Variants in PDZD2 observed in about 807,000 individuals in gnomAD.
PDZD2 encodes the protein PDZ domain-containing protein 2.
A neutral mutation model predicts 220.7 loss-of-function variants in PDZD2; 90 were observed. The observed-to-expected ratio is 0.41, with a 90% CI of 0.34 to 0.49. The LOEUF (loss-of-function observed/expected upper bound fraction) is 0.49. Among genes scored for constraint, PDZD2 ranks in the 20% least tolerant of loss-of-function variants. The pLI, the probability that PDZD2 is intolerant of heterozygous loss-of-function variation, is 0.28. For missense variants in PDZD2, 3,174 were observed against 3,608.5 expected (o/e 0.88, Z 3.08); for synonymous variants, 1,375 against 1,450.5 (o/e 0.95, Z 1.18).
intron 6 of PDZD2, among the ~76,000 whole-genome samples, chr5:32,026,865 C>A (rs6877673): frequency 0.95 from 145,163 of 152,318 alleles, 69,437 homozygotes; most frequent in African/African-American, 0.98. Context: ...CCTCCTTGAC[C>A]TCCACATCCC....
intron 2 of PDZD2, among the ~76,000 whole-genome samples, chr5:31,952,242 C>T (rs1452471939): frequency 6.6e-6 from 1 of 152,202 alleles, no homozygotes; most frequent in Non-Finnish European, 1.5e-5. Flanking sequence ...ATAAACACTG[C>T]ATTCTGAAAT....
At chr5:32,068,345 A>C (rs1444256413) in intron 14 of PDZD2, among the ~76,000 whole-genome samples, 1 of 152,238 alleles carries the variant, frequency 6.6e-6, no homozygotes, top group Non-Finnish European at 1.5e-5. Flanking sequence ...TTCGTAATAA[A>C]ACATCACTAT....
intron 1 of PDZD2, among the ~76,000 whole-genome samples, chr5:31,753,835 C>T (rs746045839): frequency 1.3e-5 from 2 of 152,174 alleles, no homozygotes; most frequent in Non-Finnish European, 2.9e-5. Flanking sequence ...GGCCTTCTCC[C>T]GCTGAGGAAG....
intron 2 of PDZD2, chr5:31,840,727 T>C (rs1203180299): frequency 3.8e-6 from 3 of 782,734 alleles, no homozygotes; most frequent in Non-Finnish European, 6.9e-6. Flanking sequence ...GCAAGAATCT[T>C]GCCCTTAACT....
intron 1 of PDZD2, among the ~76,000 whole-genome samples, chr5:31,705,405 A>G (rs925988922): frequency 3.3e-5 from 5 of 152,232 alleles, no homozygotes; most frequent in African/African-American, 1.2e-4. Flanking sequence ...TTCTGGTGCC[A>G]TTAAAGACTC....
At chr5:31,641,175 T>C (rs931836633) in intron 1 of PDZD2, among the ~76,000 whole-genome samples, 2 of 152,212 alleles carry the variant, frequency 1.3e-5, no homozygotes, top group Admixed American at 6.5e-5. Flanking sequence ...GCTCCCTCGC[T>C]GCTGTCAGTT....
At chr5:32,046,418 A>G (rs1166729005) in intron 7 of PDZD2, among the ~76,000 whole-genome samples, 1 of 151,928 alleles carries the variant, frequency 6.6e-6, no homozygotes, top group Non-Finnish European at 1.5e-5. Flanking sequence ...AATTTTTTGT[A>G]TTTTAATAGA....
intron 2 of PDZD2, among the ~76,000 whole-genome samples, chr5:31,835,066 T>TCC (rs1580853224): frequency 6.6e-6 from 1 of 152,102 alleles, no homozygotes; most frequent in East Asian, 1.9e-4. Context: ...TTTCAAAACT[T>TCC]TGATAGCCTC....
chr5:32,029,467 C>T (rs941954732), intron 6 of PDZD2, among the ~76,000 whole-genome samples: 2 of 151,556 alleles, frequency 1.3e-5, no homozygotes, highest in East Asian at 3.9e-4. Context: ...TTCCCTAATC[C>T]CAGTTTTTAG....
intron 2 of PDZD2, among the ~76,000 whole-genome samples, chr5:31,955,830 G>C (rs1747626821): frequency 6.6e-6 from 1 of 151,532 alleles, no homozygotes; most frequent in Non-Finnish European, 1.5e-5. Context: ...GGGTATGTTG[G>C]GTTTCCATTT....
chr5:31,990,870 TGGGCAGG>T (rs1486333883), intron 3 of PDZD2, among the ~76,000 whole-genome samples: 1 of 152,168 alleles, frequency 6.6e-6, no homozygotes, highest in Admixed American at 6.5e-5. Flanking sequence ...GGCAGTGTCA[TGGGCAGG>T]GGGCTGGTTG....
intron 2 of PDZD2, among the ~76,000 whole-genome samples, chr5:31,875,406 A>G (rs1194702725): frequency 6.6e-6 from 1 of 151,986 alleles, no homozygotes; most frequent in Non-Finnish European, 1.5e-5. Context: ...CAACATGGCG[A>G]AACCCTGTCT....
At chr5:31,891,297 C>A (rs190050852) in intron 2 of PDZD2, among the ~76,000 whole-genome samples, 1 of 151,864 alleles carries the variant, frequency 6.6e-6, no homozygotes, top group Non-Finnish European at 1.5e-5. Context: ...CCACCATGCC[C>A]GGCTAATTTT....
At chr5:31,689,353 A>ATATATATATATATT in intron 1 of PDZD2, among the ~76,000 whole-genome samples, 480 of 35,098 alleles carry the variant, frequency 0.014, 16 homozygotes, top group Non-Finnish European at 0.017. Flanking sequence ...ATATATATAT[A>ATATATATATATATT]TTTTTTTTTT....
At chr5:32,100,246 A>G (rs1744130868) in intron 23 of PDZD2, 1 of 158,324 alleles carries the variant, frequency 6.3e-6, no homozygotes, top group African/African-American at 2.4e-5. Flanking sequence ...AGACAATGCT[A>G]GCTTGGCTTC....
chr5:31,822,918 A>G, intron 2 of PDZD2: 1 of 919,996 alleles, frequency 1.1e-6, no homozygotes, highest in Middle Eastern at 2.6e-4. Context: ...CATAACTACA[A>G]ATAGTCTGAA....
chr5:31,729,768 C>T (rs142429846), intron 1 of PDZD2, among the ~76,000 whole-genome samples: 5 of 152,288 alleles, frequency 3.3e-5, no homozygotes, highest in African/African-American at 1.2e-4. Context: ...GAGAGTGTAT[C>T]TTGTGATTCT....
At chr5:31,908,287 C>T (rs1006603073) in intron 2 of PDZD2, 10 of 229,546 alleles carry the variant, frequency 4.4e-5, no homozygotes, top group Non-Finnish European at 6.7e-5. Flanking sequence ...TCCCCATGAG[C>T]GCAGCTCCAA....
chr5:31,682,734 A>G (rs1746697764), intron 1 of PDZD2, among the ~76,000 whole-genome samples: 1 of 150,844 alleles, frequency 6.6e-6, no homozygotes, highest in Non-Finnish European at 1.5e-5. Context: ...TGGTTTACAC[A>G]TTTTGGGATT....
Sources: allele counts gnomAD v4.1 joint callset (sites outside exome capture counted in the v4.1 genomes callset), GRCh38; gene constraint gnomAD v4.1.1; transcripts MANE v1.5; gene names NCBI Gene and HGNC (gene_info 2026-07-23, HGNC 2026-07-21).